The following VGLL4 variants were observed in gnomAD, a reference collection of about 807,000 sequenced individuals.
VGLL4 encodes transcription cofactor vestigial-like protein 4.
VGLL4 carries 7 observed loss-of-function variants against 21.0 expected under a neutral mutation model. The observed-to-expected ratio is 0.33, with a 90% CI of 0.19 to 0.63. The LOEUF (loss-of-function observed/expected upper bound fraction) is 0.63, where lower values mean the gene tolerates loss of function less well. VGLL4 is among the 20% of genes least tolerant of loss of function. The pLI is 0.78. For synonymous variants in VGLL4, 222 were observed against 173.2 expected (o/e 1.28, Z -2.21); for missense variants, 394 against 425.7 (o/e 0.93, Z 0.66).
At chr3:11,566,937 A>G (rs992444766) in intron 2 of VGLL4, among the ~76,000 whole-genome samples, 3 of 152,200 alleles carry the variant, frequency 2.0e-5, no homozygotes, top group African/African-American at 7.2e-5. Context: ...AAAGGCAGGT[A>G]TCGTGGAGTG....
At chr3:11,599,001 T>C (rs1045631765) in intron 2 of VGLL4, among the ~76,000 whole-genome samples, 1 of 152,204 alleles carries the variant, frequency 6.6e-6, no homozygotes, top group Non-Finnish European at 1.5e-5. Context: ...TTCTTAGGCA[T>C]TAAATATAAA....
chr3:11,712,277 G>C (rs1388190283), intron 1 of VGLL4, among the ~76,000 whole-genome samples: 1 of 152,134 alleles, frequency 6.6e-6, no homozygotes, highest in Non-Finnish European at 1.5e-5. Context: ...GTATGGGCCA[G>C]TCATTTACCC....
chr3:11,685,819 T>C (rs1289608503), intron 2 of VGLL4, among the ~76,000 whole-genome samples: 2 of 152,018 alleles, frequency 1.3e-5, no homozygotes, highest in Non-Finnish European at 2.9e-5. Flanking sequence ...ACTGCTGCAC[T>C]CTAGCTTGGG....
chr3:11,640,866 C>T (rs1427126225), intron 1 of VGLL4, among the ~76,000 whole-genome samples: 1 of 151,944 alleles, frequency 6.6e-6, no homozygotes, highest in African/African-American at 2.4e-5. Context: ...GCCTGTAATC[C>T]CAGCACTTTG....
At chr3:11,634,214 C>A (rs537780113) in intron 1 of VGLL4, among the ~76,000 whole-genome samples, 1 of 152,156 alleles carries the variant, frequency 6.6e-6, no homozygotes, top group Non-Finnish European at 1.5e-5. Context: ...TATGAGCTCA[C>A]CCCAGAACCT....
chr3:11,568,571 CTGGT>C lies in VGLL4; in HGVS notation c.273-3556_273-3553del, dbSNP rs775609150. ...AGCGAGAAAAGGCCTGGAGAACTGG[CTGGT>C]TAATTTTAGTAAAATTATACATTAC... On this transcript the variant is annotated intron_variant, in intron 2 of 4. Coordinates refer to ENST00000430365, the MANE Select transcript of VGLL4 (RefSeq NM_001128219.3). This position sits in a 1 kb window ranked among gnomAD's most constrained non-coding sequence, Gnocchi z 5.9. 1.7e-5 allele frequency: 26 copies of C among 1,554,802 alleles called. 1 individual carries two copies. The highest frequency in any genetic ancestry group is 3.3e-4 in the Middle Eastern group (2 of 6,012).
intron 2 of VGLL4, chr3:11,702,957 G>C (rs2076704060): frequency 6.2e-7 from 1 of 1,607,452 alleles, no homozygotes; most frequent in African/African-American, 1.3e-5. Context: ...TTTTATAATA[G>C]ACTCCTCACT....
At chr3:11,702,610 C>G (rs1161365793) in intron 2 of VGLL4, 5 of 152,366 alleles carry the variant, frequency 3.3e-5, no homozygotes, top group Non-Finnish European at 7.3e-5. Context: ...GTCTGGGTGA[C>G]AGAGTGAGAC....
intron 1 of VGLL4, among the ~76,000 whole-genome samples, chr3:11,623,368 T>A (rs1446615740): frequency 1.3e-5 from 2 of 152,086 alleles, no homozygotes; most frequent in Admixed American, 1.3e-4. Context: ...AATGGCAAAA[T>A]CCACACATAC....
intron 1 of VGLL4, among the ~76,000 whole-genome samples, chr3:11,622,447 T>C (rs565351400): frequency 6.6e-6 from 1 of 152,262 alleles, no homozygotes; most frequent in South Asian, 2.1e-4. Context: ...TATTACTAGA[T>C]GGCAGAACCT....
chr3:11,706,974 T>C (rs1007363720), intron 1 of VGLL4, among the ~76,000 whole-genome samples: 2 of 152,144 alleles, frequency 1.3e-5, no homozygotes, highest in African/African-American at 2.4e-5. Flanking sequence ...GTTGTCATCA[T>C]CTGTCCCTGA....
intron 2 of VGLL4, among the ~76,000 whole-genome samples, chr3:11,662,196 G>A (rs1205419374): frequency 6.6e-6 from 1 of 152,132 alleles, no homozygotes; most frequent in African/African-American, 2.4e-5. Flanking sequence ...GAGAAATGAA[G>A]GCAGAACCTG....
At position 11,643,710 on chromosome 3, in the gene VGLL4, G is replaced by C. The variant is rs2075740411; in HGVS notation, c.-192C>G. ...AGGCACAAAAAAATCGAGCTCACAC[G>C]AAACCCTTCAAGGGCTTACTGGTAG... On this transcript the variant is annotated 5_prime_UTR_variant, in exon 1 of 5. Coordinates refer to ENST00000430365, the MANE Select transcript of VGLL4 (RefSeq NM_001128219.3). The C allele has an allele frequency of 1.4e-6, 2 of 1,418,248 alleles. No individual in the cohort carries two copies. Among genetic ancestry groups the C allele is most frequent in the Admixed American group, 5.8e-5 (2 of 34,592 alleles). 87.9% of individuals were successfully genotyped at this position (1,418,248 alleles called of 1,614,324 possible).
chr3:11,569,930 G>A (rs1325921417), intron 2 of VGLL4, among the ~76,000 whole-genome samples: 1 of 152,176 alleles, frequency 6.6e-6, no homozygotes, highest in Non-Finnish European at 1.5e-5. Flanking sequence ...AGCTTCCTCA[G>A]AAAACAGACT....
At chr3:11,595,392 T>C (rs1247023995) in intron 2 of VGLL4, among the ~76,000 whole-genome samples, 1 of 152,208 alleles carries the variant, frequency 6.6e-6, no homozygotes, top group Admixed American at 6.5e-5. Context: ...TTGGTGGGAC[T>C]GTAAACTAGT....
intron 1 of VGLL4, among the ~76,000 whole-genome samples, chr3:11,638,022 T>C (rs2125325462): frequency 6.6e-6 from 1 of 152,334 alleles, no homozygotes; most frequent in Middle Eastern, 3.4e-3. Flanking sequence ...CATTCCCTGG[T>C]CCGACTGTTT....
chr3:11,711,576 G>A (rs936831474), intron 1 of VGLL4, among the ~76,000 whole-genome samples: 7 of 151,828 alleles, frequency 4.6e-5, no homozygotes, highest in African/African-American at 1.7e-4. Context: ...AATTAGCCAG[G>A]TATGGTGGCG....
In VGLL4 at chr3:11,672,377, GTT is replaced by G. The variant is rs5846721; in HGVS notation, c.64+30592_64+30593del. 1.2e-4 allele frequency among the ~76,000 whole-genome samples: 19 copies of G among 152,046 alleles called. 1 individual carries two copies. The highest frequency in any genetic ancestry group is 2.1e-4 in the South Asian group (1 of 4,820). On this transcript the variant is annotated intron_variant, in intron 2 of 5. Coordinates refer to the VGLL4 transcript ENST00000273038. ...AAGAACGCATATGCTTCTATTTAGT[GTT>G]TTTTTTTAATCCTGTTGCAAATTCT...
intron 1 of VGLL4, among the ~76,000 whole-genome samples, chr3:11,630,125 A>T (rs1196220419): frequency 1.3e-5 from 2 of 152,214 alleles, no homozygotes; most frequent in African/African-American, 4.8e-5. Context: ...CTCTGCCATG[A>T]AATTAGGCAA....
Sources: gnomAD v4.1 joint callset for allele counts (sites outside exome capture counted in the v4.1 genomes callset) on GRCh38, gnomAD v4.1.1 for gene constraint, Gnocchi (gnomAD v3.1) non-coding constraint, MANE v1.5 for transcripts, NCBI Gene and HGNC (gene_info 2026-07-23, HGNC 2026-07-21) for gene names.